Variants in BRD1 observed in about 807,000 individuals in gnomAD.
BRD1 encodes bromodomain-containing protein 1.
Under a neutral mutation model 107.7 loss-of-function variants are expected in BRD1, and 24 were observed. The ratio of observed to expected loss-of-function variants is 0.22; its 90% CI spans 0.16 to 0.31. BRD1 has a LOEUF of 0.31. BRD1 is among the 10% of genes least tolerant of loss of function. The pLI, the probability that BRD1 is intolerant of heterozygous loss-of-function variation, is 1.00. For synonymous variants in BRD1, 744 were observed against 686.1 expected (o/e 1.08, Z -1.32); for missense variants, 1,279 against 1,638.6 (o/e 0.78, Z 3.79).
intron 12 of BRD1, among the ~76,000 whole-genome samples, chr22:49,775,015 G>A (rs2146894504): frequency 6.6e-6 from 1 of 152,348 alleles, no homozygotes; most frequent in East Asian, 1.9e-4. Context: ...GCACAGCCGG[G>A]GCCACAGCTC....
At chr22:49,782,800 T>C (rs1601617051) in intron 8 of BRD1, among the ~76,000 whole-genome samples, 1 of 113,488 alleles carries the variant, frequency 8.8e-6, no homozygotes, top group African/African-American at 3.6e-5. Flanking sequence ...ACCTGCTCCA[T>C]GACAATGCAG....
chr22:49,790,798 C>T (rs182932111), intron 7 of BRD1, among the ~76,000 whole-genome samples: 2 of 152,350 alleles, frequency 1.3e-5, no homozygotes, highest in Admixed American at 1.3e-4. Context: ...CCTTCTACCC[C>T]GAGGAACATG....
intron 2 of BRD1, among the ~76,000 whole-genome samples, chr22:49,816,465 G>A (rs1043573935): frequency 1.3e-5 from 2 of 152,148 alleles, no homozygotes; most frequent in Admixed American, 6.5e-5. Context: ...CTCTGAGGAC[G>A]GCTGTGCAGG....
At chr22:49,784,014 G>C (rs2059267525) in intron 8 of BRD1, among the ~76,000 whole-genome samples, 1 of 152,228 alleles carries the variant, frequency 6.6e-6, no homozygotes, top group South Asian at 2.1e-4. Flanking sequence ...TAGTCTGAAT[G>C]AAAGGGCAGG....
At position 49,827,802 on chromosome 22, in the gene BRD1, G is replaced by A. The variant is rs923708084; in HGVS notation, c.-320C>T. Among the ~76,000 whole-genome samples, 6 of 145,734 alleles carry A rather than the reference G, an allele frequency of 4.1e-5. No individual in the cohort carries two copies. The highest frequency in any genetic ancestry group is 1.4e-4 in the Admixed American group (2 of 14,710). ...CGCGGGAGCGGGCGGCGGGCGGCGG[G>A]CGCGGGACGCGGGGCTGGCTCGGAC... is the stretch of plus-strand genomic sequence containing the variant. On this transcript the variant is annotated 5_prime_UTR_variant, in exon 1 of 13. Transcript: ENST00000404760.
chr22:49,799,642 C>T (rs2059605559), intron 3 of BRD1, among the ~76,000 whole-genome samples: 1 of 152,228 alleles, frequency 6.6e-6, no homozygotes, highest in Non-Finnish European at 1.5e-5. Context: ...CACAGCGCCT[C>T]CATCCCGACA....
In BRD1 at chr22:49,776,042, G is replaced by A. The variant is rs374693374; in HGVS notation, c.3231+8C>T. 6.7e-4 allele frequency: 1,074 copies of A among 1,592,280 alleles called. 2 individuals are homozygous for A. Among genetic ancestry groups the A allele is most frequent in the Non-Finnish European group, 8.2e-4 (963 of 1,171,576 alleles). On this transcript the variant is annotated splice_region_variant and intron_variant, in intron 11 of 12. Coordinates refer to ENST00000404760, the MANE Select transcript of BRD1 (RefSeq NM_001304808.3). ...TGGACCCGCAGGCGCCACGAGAGCCGTACTCACCAGTGCCGGGTAGGAGGG... is the reference window on the plus strand; with the variant it reads ...TGGACCCGCAGGCGCCACGAGAGCCATACTCACCAGTGCCGGGTAGGAGGG...
chr22:49,781,923 G>A (rs1390908596), intron 8 of BRD1, among the ~76,000 whole-genome samples: 1 of 152,010 alleles, frequency 6.6e-6, no homozygotes. Flanking sequence ...ACCGACCCAA[G>A]GCCCATGTTG....
At chr22:49,815,111 A>G (rs1466494314) in intron 2 of BRD1, among the ~76,000 whole-genome samples, 1 of 152,246 alleles carries the variant, frequency 6.6e-6, no homozygotes, top group Non-Finnish European at 1.5e-5. Context: ...CCTTTAGTTC[A>G]GTAAATGCCA....
chr22:49,799,338 G>A (rs970511745), intron 3 of BRD1, among the ~76,000 whole-genome samples: 2 of 152,060 alleles, frequency 1.3e-5, no homozygotes, highest in Admixed American at 1.3e-4. Context: ...AGAGGGGACC[G>A]CCAGGCCAAG....
At chr22:49,778,827 A>C (rs950374908) in intron 8 of BRD1, among the ~76,000 whole-genome samples, 1 of 151,684 alleles carries the variant, frequency 6.6e-6, no homozygotes, top group African/African-American at 2.4e-5. Flanking sequence ...ATGCCTGGCT[A>C]ATTTTTTGTA....
At chr22:49,776,789 G>C (rs1041161463) in intron 10 of BRD1, among the ~76,000 whole-genome samples, 1 of 152,206 alleles carries the variant, frequency 6.6e-6, no homozygotes, top group Non-Finnish European at 1.5e-5. Context: ...CAGCCACACA[G>C]AGCTGGACGT....
At position 49,821,196 on chromosome 22, in the gene BRD1, G is replaced by A. The variant is rs922052021; in HGVS notation, c.1367+1755C>T. On this transcript the variant is annotated intron_variant, in intron 2 of 12. Coordinates refer to ENST00000404760, the MANE Select transcript of BRD1 (RefSeq NM_001304808.3). ...CCAAAGAACAGAGAGCGTGCGGCCC[G>A]GCCAGGCCCGGCCTCTCCCAGAGCA... 4.6e-5 allele frequency among the ~76,000 whole-genome samples: 7 copies of A among 152,138 alleles called. No homozygotes were observed. In the East Asian group the frequency reaches 5.8e-4, roughly 13 times the overall value.
chr22:49,793,484 T>G (rs940376529), intron 7 of BRD1, among the ~76,000 whole-genome samples: 7 of 152,208 alleles, frequency 4.6e-5, no homozygotes, highest in African/African-American at 1.7e-4. Context: ...CTACCAACTC[T>G]GCAGAGGAGC....
rs1035504450 is a variant in BRD1, at chr22:49,797,815, G to A, written c.2088C>T (p.Ser696=). Residue 696 remains serine, a synonymous_variant, in exon 6 of 13, where the codon TCC becomes TCT. Transcript: ENST00000404760. ...RPAAAPRRPF[S]WEDVDRLLDP... Reference sequence around the variant, plus strand: ...GGCGCCAGTTCTTACCGTCTTCCCAGGAGAAAGGCCGCCGCGGTGCCGCAG... The same window carrying A: ...GGCGCCAGTTCTTACCGTCTTCCCAAGAGAAAGGCCGCCGCGGTGCCGCAG... 7 of 1,598,178 alleles carry A rather than the reference G, an allele frequency of 4.4e-6. No homozygotes were observed. Among genetic ancestry groups the A allele is most frequent in the African/African-American group, 2.7e-5 (2 of 74,690 alleles).
At chr22:49,779,947 C>A (rs2059173590) in intron 8 of BRD1, among the ~76,000 whole-genome samples, 1 of 149,440 alleles carries the variant, frequency 6.7e-6, no homozygotes, top group South Asian at 2.1e-4. Flanking sequence ...GCCTGGCGAC[C>A]CACACCCCAC....
chr22:49,822,632 C>T (rs2147414052), intron 2 of BRD1, among the ~76,000 whole-genome samples: 1 of 151,990 alleles, frequency 6.6e-6, no homozygotes, highest in East Asian at 1.9e-4. Flanking sequence ...ATTGCTTGAA[C>T]CCAGGAGGCG....
chr22:49,799,178 CAGAT>C (rs2059593789), intron 3 of BRD1, 59 bp from the exon 4 acceptor site: 1 of 1,576,530 alleles, frequency 6.3e-7, no homozygotes, highest in Non-Finnish European at 8.6e-7. Context: ...CAAAAGGCCT[CAGAT>C]ACCATGCAGG....
intron 2 of BRD1, chr22:49,806,577 T>C (rs1013235241): frequency 6.6e-6 from 1 of 152,082 alleles, no homozygotes; most frequent in Non-Finnish European, 1.5e-5. Context: ...GACATACATA[T>C]GACAACCACA....
Sources: allele counts gnomAD v4.1 joint callset (sites outside exome capture counted in the v4.1 genomes callset), GRCh38; gene constraint gnomAD v4.1.1; transcripts MANE v1.5; gene names NCBI Gene and HGNC (gene_info 2026-07-23, HGNC 2026-07-21).